The following CDC73 variants were observed in gnomAD, a reference collection of about 807,000 sequenced individuals.
The protein encoded by CDC73 is cell division cycle 73.
A neutral mutation model predicts 83.7 loss-of-function variants in CDC73; 21 were observed. The observed-to-expected ratio is 0.25, with a 90% CI of 0.18 to 0.36. The LOEUF (loss-of-function observed/expected upper bound fraction) is 0.36. CDC73 is among the 10% of genes least tolerant of loss of function. CDC73 has a pLI of 1.00. For synonymous variants in CDC73, 224 were observed against 212.9 expected (o/e 1.05, Z -0.45); for missense variants, 342 against 653.3 (o/e 0.52, Z 5.19).
At chr1:193,212,590 C>T in intron 13 of CDC73, 113 bp downstream of exon 13, 1 of 658,244 alleles carries the variant, frequency 1.5e-6, no homozygotes, top group Admixed American at 2.2e-5. Flanking sequence ...GGTTTCTGTG[C>T]TATAGGCCTT....
chr1:193,223,358 G>C (rs1677506500), intron 13 of CDC73, among the ~76,000 whole-genome samples: 1 of 152,100 alleles, frequency 6.6e-6, no homozygotes, highest in South Asian at 2.1e-4. Flanking sequence ...ATCTGTGTCT[G>C]TTAAGCACCT....
At chr1:193,184,225 T>G (rs1676767405) in intron 10 of CDC73, among the ~76,000 whole-genome samples, 1 of 151,930 alleles carries the variant, frequency 6.6e-6, no homozygotes, top group Non-Finnish European at 1.5e-5. Flanking sequence ...ATGAAGTGCA[T>G]GTGTCTAGCC....
At chr1:193,194,399 G>C (rs1258843741) in intron 10 of CDC73, among the ~76,000 whole-genome samples, 2 of 152,074 alleles carry the variant, frequency 1.3e-5, no homozygotes, top group Non-Finnish European at 2.9e-5. Context: ...AAGACTTACA[G>C]ATCAACTTTT....
chr1:193,208,083 C>G (rs183202072), intron 11 of CDC73, among the ~76,000 whole-genome samples: 15 of 152,300 alleles, frequency 9.8e-5, no homozygotes, highest in Non-Finnish European at 1.6e-4. Flanking sequence ...TAGTCTTCTG[C>G]TTTTTCATAG....
intron 10 of CDC73, among the ~76,000 whole-genome samples, chr1:193,190,580 C>T (rs1676902345): frequency 6.6e-6 from 1 of 152,118 alleles, no homozygotes; most frequent in African/African-American, 2.4e-5. Flanking sequence ...TTATTTTTCT[C>T]CTTCAGTTTT....
At chr1:193,193,695 A>G (rs1676955188) in intron 10 of CDC73, among the ~76,000 whole-genome samples, 1 of 151,802 alleles carries the variant, frequency 6.6e-6, no homozygotes, top group African/African-American at 2.4e-5. Flanking sequence ...TTTGAGTTTT[A>G]TATACCCTTT....
chr1:193,231,941 TAATAA>T, intron 13 of CDC73, among the ~76,000 whole-genome samples: 1 of 152,306 alleles, frequency 6.6e-6, no homozygotes, highest in East Asian at 1.9e-4. Context: ...AGATCATAGT[TAATAA>T]AATATGTTAT....
At chr1:193,186,105 A>G (rs906834560) in intron 10 of CDC73, 4 of 153,046 alleles carry the variant, frequency 2.6e-5, no homozygotes, top group African/African-American at 9.7e-5. Context: ...AAAAGATGCT[A>G]TCGAACATGC....
intron 10 of CDC73, among the ~76,000 whole-genome samples, chr1:193,162,317 T>A (rs1355613607): frequency 1.3e-3 from 165 of 131,878 alleles, no homozygotes; most frequent in South Asian, 4.5e-3. Flanking sequence ...ATATTATATA[T>A]CATATATACT....
rs757652827 is a variant in CDC73 at position 193,212,356 on chromosome 1, A to G, written c.1067-34A>G. On this transcript the variant is annotated intron_variant, in intron 12 of 16. Coordinates refer to ENST00000367435, the MANE Select transcript of CDC73 (RefSeq NM_024529.5). ...GAGAAAGTAAGTATAATTTCTAATA[A>G]TATATTTTCTACCTGTAAATTTTGT... is the stretch of plus-strand genomic sequence containing the variant. 101 of 1,233,874 alleles carry G rather than the reference A, an allele frequency of 8.2e-5. 1 individual carries two copies. The Admixed American group carries it at 1.6e-3, about 20-fold the overall frequency. The allele number at this position is 1,233,874 out of a possible 1,614,324, so 76.4% of individuals were successfully genotyped here. A position where few individuals can be genotyped will look rare whatever the true frequency, so the allele number is the denominator to read the frequency against.
chr1:193,210,442 T>G (rs1250131927), intron 11 of CDC73, among the ~76,000 whole-genome samples: 1 of 152,236 alleles, frequency 6.6e-6, no homozygotes, highest in Non-Finnish European at 1.5e-5. Context: ...CAAGCACAGC[T>G]TGTAGCACAT....
intron 10 of CDC73, among the ~76,000 whole-genome samples, chr1:193,196,477 G>A (rs1049332554): frequency 6.6e-6 from 1 of 152,160 alleles, no homozygotes; most frequent in Non-Finnish European, 1.5e-5. Context: ...GAGATTCCAT[G>A]TGACTTTTAG....
At chr1:193,143,645 C>T (rs12145057) in intron 7 of CDC73, among the ~76,000 whole-genome samples, 92,941 of 151,972 alleles carry the variant, frequency 0.61, 29,090 homozygotes, top group South Asian at 0.77. Context: ...CTTTGATAGT[C>T]TTTCTGTGTA....
intron 13 of CDC73, among the ~76,000 whole-genome samples, chr1:193,227,372 C>G (rs1051173642): frequency 1.3e-5 from 2 of 151,882 alleles, no homozygotes; most frequent in African/African-American, 4.8e-5. Context: ...TGCCTCATGT[C>G]TGTAATCTCA....
chr1:193,236,232 C>G (rs1376330104), intron 14 of CDC73, 24 bp from the exon 15 acceptor site: 2 of 1,475,852 alleles, frequency 1.4e-6, no homozygotes, highest in Non-Finnish European at 1.9e-6. Context: ...CCCTACCTCC[C>G]CCCACCCACT....
chr1:193,128,076 A>G (rs1231801649), intron 2 of CDC73: 5 of 152,204 alleles, frequency 3.3e-5, no homozygotes, highest in Admixed American at 3.3e-4. Context: ...GGCGTGAGCC[A>G]CTGCGTCCGG....
In CDC73 at chr1:193,251,243, A is replaced by T. The variant is rs565589424; in HGVS notation, c.*531A>T. 1 of 232,486 alleles carries T rather than the reference A, an allele frequency of 4.3e-6. No homozygotes were observed. The highest frequency in any genetic ancestry group is 6.1e-5 in the East Asian group (1 of 16,350). 14.4% of individuals were successfully genotyped at this position (232,486 alleles called of 1,614,324 possible). A position where few individuals can be genotyped will look rare whatever the true frequency, so the allele number is the denominator to read the frequency against. ...TTAAAAAGAATAATGAAAAATCTAG[A>T]TCAATTCTTCAATTTGATTGAACTG... On this transcript the variant is annotated 3_prime_UTR_variant, in exon 17 of 17. Transcript: ENST00000367435.
At chr1:193,216,659 T>A (rs1265028626) in intron 13 of CDC73, among the ~76,000 whole-genome samples, 1 of 150,974 alleles carries the variant, frequency 6.6e-6, no homozygotes, top group Non-Finnish European at 1.5e-5. Flanking sequence ...AAAAACCTGC[T>A]GGCCAGTATC....
intron 14 of CDC73, among the ~76,000 whole-genome samples, chr1:193,235,269 C>G (rs536307666): frequency 1.3e-5 from 2 of 152,292 alleles, no homozygotes; most frequent in Non-Finnish European, 1.5e-5. Flanking sequence ...TTCCTTTTCT[C>G]TGTACTTCTA....
Sources: allele counts gnomAD v4.1 joint callset (sites outside exome capture counted in the v4.1 genomes callset), GRCh38; gene constraint gnomAD v4.1.1; transcripts MANE v1.5; gene names NCBI Gene and HGNC (gene_info 2026-07-23, HGNC 2026-07-21).